CD70: variants seen among roughly 807,000 people sequenced by gnomAD.
The protein encoded by CD70 is CD70 antigen.
A neutral mutation model predicts 9.0 loss-of-function variants in CD70; 6 were observed. That is an observed-to-expected ratio of 0.67 (90% confidence interval 0.37 to 1.32). The LOEUF (loss-of-function observed/expected upper bound fraction) is 1.32. Among genes scored for constraint, CD70 ranks in the 40% most tolerant of loss-of-function variants. The probability of loss-of-function intolerance (pLI) is 0.02; values close to 1 mark genes in which losing one functional copy is unlikely to be tolerated. For missense variants in CD70, 235 were observed against 258.7 expected (o/e 0.91, Z 0.63); for synonymous variants, 108 against 112.3 (o/e 0.96, Z 0.24).
intron 2 of CD70, among the ~76,000 whole-genome samples, chr19:6,589,145 T>C (rs1257913504): frequency 6.6e-6 from 1 of 151,984 alleles, no homozygotes; most frequent in African/African-American, 2.4e-5. Flanking sequence ...CTTTTTCTCT[T>C]GGGAATGATC....
intron 2 of CD70, among the ~76,000 whole-genome samples, chr19:6,587,630 T>C (rs540927368): frequency 5.1e-4 from 77 of 151,796 alleles, no homozygotes; most frequent in Non-Finnish European, 3.1e-4. Flanking sequence ...AGGACCCTTT[T>C]TTTTTCTTGC....
chr19:6,590,064 C>A lies in CD70; in HGVS notation c.196+39G>T. 1 of 1,574,694 alleles carries A rather than the reference C, an allele frequency of 6.4e-7. No homozygotes were observed. Among genetic ancestry groups the A allele is most frequent in the Non-Finnish European group, 8.7e-7 (1 of 1,146,030 alleles). ...ACCTCTCCTTCCTTCTCTCTCTGTG[C>A]CTCTTCTTCTCCCCGTCCCTCCACG... On this transcript the variant is annotated intron_variant, in intron 2 of 2. Coordinates refer to ENST00000245903, the MANE Select transcript of CD70 (RefSeq NM_001252.5). The surrounding 1 kb of genome is among the most constrained non-coding windows in gnomAD (Gnocchi z 5.3).
chr19:6,591,048 G>A lies in CD70; in HGVS notation c.-46C>T, dbSNP rs746681155. 3 of 1,538,860 alleles carry A rather than the reference G, an allele frequency of 1.9e-6. No homozygotes were observed. The highest frequency in any genetic ancestry group is 4.1e-5 in the Admixed American group (2 of 48,870). ...CTAGCGCAGGAGGGGCGATGGGGGC[G>A]CGGAGCGCTGCCGAGAAGGAAGGAA... is the stretch of plus-strand genomic sequence containing the variant. On this transcript the variant is annotated 5_prime_UTR_variant, in exon 1 of 3. Transcript: ENST00000245903.
intron 2 of CD70, 88 bp from the exon 3 acceptor site, chr19:6,586,493 T>G: frequency 7.4e-7 from 1 of 1,359,602 alleles, no homozygotes; most frequent in Non-Finnish European, 9.9e-7. Flanking sequence ...GATATAGAGA[T>G]CGAGAGTTAG....
At chr19:6,589,209 C>T (rs1366664087) in intron 2 of CD70, among the ~76,000 whole-genome samples, 2 of 149,644 alleles carry the variant, frequency 1.3e-5, no homozygotes, top group African/African-American at 4.9e-5. Context: ...CTGTCTCTTC[C>T]TCTCTGTTAT....
In CD70 at chr19:6,588,226, T is replaced by G. The variant is rs1383606410; in HGVS notation, c.197-1821A>C. 2.6e-5 allele frequency among the ~76,000 whole-genome samples: 4 copies of G among 152,256 alleles called. No homozygotes were observed. The East Asian group carries it at 7.7e-4, about 29-fold the overall frequency. On this transcript the variant is annotated intron_variant, in intron 2 of 2. Transcript: ENST00000245903. The stretch of plus-strand genomic sequence containing the variant: ...GACACCTGGTCCCCTGTCACACACT[T>G]AGGCATGATATCATCCACCAGAAGA...
rs752766178 is a variant in CD70 at position 6,591,029 on chromosome 19, C to T, written c.-27G>A. The T allele has an allele frequency of 1.2e-5, 19 of 1,569,674 alleles. No individual in the cohort carries two copies. Among genetic ancestry groups the T allele is most frequent in the Non-Finnish European group, 1.6e-5 (18 of 1,155,728 alleles). ...GCCGCGGCGATCACCTCCGCTAGCG[C>T]AGGAGGGGCGATGGGGGCGCGGAGC... On this transcript the variant is annotated 5_prime_UTR_variant, in exon 1 of 3. Transcript: ENST00000245903.
chr19:6,586,839 GGA>G (rs1252982145), intron 2 of CD70, among the ~76,000 whole-genome samples: 1 of 145,706 alleles, frequency 6.9e-6, no homozygotes, highest in Non-Finnish European at 1.5e-5. Context: ...CTAAAGGGAA[GGA>G]GAGAGGGGTA....
chr19:6,588,728 T>G (rs1207382130), intron 2 of CD70, among the ~76,000 whole-genome samples: 4 of 152,034 alleles, frequency 2.6e-5, no homozygotes, highest in Non-Finnish European at 5.9e-5. Flanking sequence ...CCTCCTTGCC[T>G]GATTTTTTCT....
downstream of CD70, among the ~76,000 whole-genome samples, chr19:6,585,680 T>C (rs898729575): frequency 5.4e-5 from 4 of 73,538 alleles, no homozygotes; most frequent in East Asian, 2.1e-3. Flanking sequence ...ACCAAGAACA[T>C]TTTTTTTTTC....
intron 2 of CD70, among the ~76,000 whole-genome samples, chr19:6,587,333 A>AGT (rs1392667498): frequency 6.7e-6 from 1 of 150,340 alleles, no homozygotes; most frequent in Admixed American, 6.6e-5. Context: ...CAAGAGAGAG[A>AGT]GTGTGTGTGT....
chr19:6,585,959 T>C lies in CD70; in HGVS notation c.*61A>G. ...CCCGGGTGGCCCCTGTGTGTACACT[T>C]TTTCTCTTGAACTTAAATAAAATAA... is the stretch of plus-strand genomic sequence containing the variant. On this transcript the variant is annotated 3_prime_UTR_variant, in exon 3 of 3. Coordinates refer to ENST00000245903, the MANE Select transcript of CD70 (RefSeq NM_001252.5). 7.2e-7 allele frequency: 1 copy of C among 1,385,688 alleles called. No homozygotes were observed. The highest frequency in any genetic ancestry group is 9.7e-7 in the Non-Finnish European group (1 of 1,031,778). 85.8% of individuals were successfully genotyped at this position (1,385,688 alleles called of 1,614,324 possible). A position where few individuals can be genotyped will look rare whatever the true frequency, so the allele number is the denominator to read the frequency against.
chr19:6,584,885 C>T (rs910471075), downstream of CD70, among the ~76,000 whole-genome samples: 31 of 152,006 alleles, frequency 2.0e-4, no homozygotes, highest in Middle Eastern at 3.4e-3. Context: ...GGTGAGGTTT[C>T]GCCATGTTGG....
downstream of CD70, among the ~76,000 whole-genome samples, chr19:6,584,875 G>A (rs1599449693): frequency 6.6e-6 from 1 of 152,008 alleles, no homozygotes; most frequent in African/African-American, 2.4e-5. Context: ...TTTCAGTAGA[G>A]GTGAGGTTTC....
At chr19:6,583,554 T>C (rs1470040080), downstream of CD70, 1 of 32,238 alleles carries the variant, frequency 3.1e-5, no homozygotes, top group Admixed American at 3.2e-4. Context: ...AATTGTAGTC[T>C]TTTTTTTTTT....
downstream of CD70, chr19:6,583,528 G>C (rs756857681): frequency 2.0e-6 from 1 of 510,332 alleles, no homozygotes; most frequent in South Asian, 2.8e-5. Flanking sequence ...TCTCTGACCT[G>C]AACTAACTTT....
In CD70 at chr19:6,586,525, G is replaced by A. The variant is rs964004778; in HGVS notation, c.197-120C>T. ...TTAGAGATCAAGGAATAGGTTGGAC[G>A]TGGTGGCTCATGCCTGAAATCCTAA... On this transcript the variant is annotated intron_variant, in intron 2 of 2. Transcript: ENST00000245903. 2.1e-5 allele frequency: 24 copies of A among 1,137,330 alleles called. 1 individual carries two copies. Among genetic ancestry groups the A allele is most frequent in the South Asian group, 1.6e-4 (10 of 60,626 alleles). 70.5% of individuals were successfully genotyped at this position (1,137,330 alleles called of 1,614,324 possible).
Position 6,590,484 on chromosome 19 carries a change from A to C in CD70, c.163-348T>G, listed in dbSNP as rs1244830536. On this transcript the variant is annotated intron_variant, in intron 1 of 2. Coordinates refer to ENST00000245903, the MANE Select transcript of CD70 (RefSeq NM_001252.5). This position sits in a 1 kb window ranked among gnomAD's most constrained non-coding sequence, Gnocchi z 5.3. ...CCAAAGGGACCCCTCCCCCACCCGGAGCGAGTGGCTGGGGCCATCCCGTCC... is the reference window on the plus strand; with the variant it reads ...CCAAAGGGACCCCTCCCCCACCCGGCGCGAGTGGCTGGGGCCATCCCGTCC... Among the ~76,000 whole-genome samples the C allele has an allele frequency of 6.6e-6, 1 of 152,020 alleles. No homozygotes were observed. The highest frequency in any genetic ancestry group is 1.5e-5 in the Non-Finnish European group (1 of 67,968).
chr19:6,590,023 C>T lies in CD70; in HGVS notation c.196+80G>A, dbSNP rs1916122167. 1 of 1,145,478 alleles carries T rather than the reference C, an allele frequency of 8.7e-7. No individual in the cohort carries two copies. The highest frequency in any genetic ancestry group is 2.0e-4 in the Middle Eastern group (1 of 5,090). 71.0% of individuals were successfully genotyped at this position (1,145,478 alleles called of 1,614,324 possible). ...TCTGTGTCTCTTTCTCTCTGTCTCT[C>T]CCCACTTGTCTTTCTACCTCTCCTT... On this transcript the variant is annotated intron_variant, in intron 2 of 2. Transcript: ENST00000245903. This position sits in a 1 kb window ranked among gnomAD's most constrained non-coding sequence, Gnocchi z 5.3.
Sources: allele counts gnomAD v4.1 joint callset (sites outside exome capture counted in the v4.1 genomes callset), GRCh38; gene constraint gnomAD v4.1.1; non-coding constraint Gnocchi (gnomAD v3.1); transcripts MANE v1.5; gene names NCBI Gene and HGNC (gene_info 2026-07-23, HGNC 2026-07-21).